The following UNC13C variants were observed in gnomAD, a reference collection of about 807,000 sequenced individuals.
The protein encoded by UNC13C is unc-13 homolog C, also known as protein unc-13 homolog C.
In UNC13C, 174 loss-of-function variants were observed where a neutral mutation model predicts 245.4. The ratio of observed to expected loss-of-function variants is 0.71; its 90% CI spans 0.63 to 0.80. The LOEUF (loss-of-function observed/expected upper bound fraction) is 0.80. Among genes scored for constraint, UNC13C ranks in the 30% least tolerant of loss-of-function variants. The pLI, the probability that UNC13C is intolerant of heterozygous loss-of-function variation, is 0.00. For missense variants in UNC13C, 2,829 were observed against 2,602.9 expected, an observed-to-expected ratio of 1.09 and a Z score of -1.89; for synonymous variants, 992 against 895.1, an observed-to-expected ratio of 1.11 and a Z score of -1.93.
At chr15:53,852,564 G>A in the UNC13C span, among the ~76,000 whole-genome samples, 10 of 152,034 alleles carry the variant, frequency 6.6e-5, no homozygotes, top group African/African-American at 2.2e-4. Flanking sequence ...GGAAATTTTA[G>A]CCACTTCTGC....
intron 26 of UNC13C, among the ~76,000 whole-genome samples, chr15:54,540,551 AAAC>A (rs1254483865): frequency 6.6e-6 from 1 of 152,100 alleles, no homozygotes; most frequent in Non-Finnish European, 1.5e-5. Context: ...TATTTAAAAT[AAAC>A]AATAGAGGTT....
chr15:54,336,837 C>T (rs1480127328), intron 16 of UNC13C, among the ~76,000 whole-genome samples: 1 of 152,054 alleles, frequency 6.6e-6, no homozygotes, highest in Non-Finnish European at 1.5e-5. Context: ...GTTTGTACAT[C>T]CACCACTACC....
intron 19 of UNC13C, among the ~76,000 whole-genome samples, chr15:54,415,684 G>A (rs557709673): frequency 1.3e-5 from 2 of 152,278 alleles, no homozygotes; most frequent in South Asian, 2.1e-4. Context: ...TACTTATTCA[G>A]TGAATATATA....
chr15:54,545,621 A>T (rs1004225723), intron 26 of UNC13C, among the ~76,000 whole-genome samples: 1 of 152,222 alleles, frequency 6.6e-6, no homozygotes, highest in Non-Finnish European at 1.5e-5. Context: ...CAAATTTACA[A>T]GAAAAAAATA....
At chr15:54,613,673 T>A (rs916827707) in intron 30 of UNC13C, among the ~76,000 whole-genome samples, 3 of 152,112 alleles carry the variant, frequency 2.0e-5, no homozygotes, top group South Asian at 2.1e-4. Context: ...TCTTCTTTTT[T>A]AAAAAGCTAA....
chr15:54,157,211 AG>A (rs1254551453), intron 4 of UNC13C, among the ~76,000 whole-genome samples: 1 of 152,194 alleles, frequency 6.6e-6, no homozygotes, highest in Admixed American at 6.5e-5. Flanking sequence ...ATTGCTTCTG[AG>A]GAAAAGACAC....
chr15:54,056,125 G>A (rs996779845), intron 2 of UNC13C, among the ~76,000 whole-genome samples: 11 of 152,168 alleles, frequency 7.2e-5, no homozygotes, highest in Non-Finnish European at 1.0e-4. Context: ...ACTTTGACGA[G>A]TTGAGAGAGG....
At chr15:54,096,815 A>C (rs1284201216) in intron 2 of UNC13C, among the ~76,000 whole-genome samples, 3 of 152,130 alleles carry the variant, frequency 2.0e-5, no homozygotes, top group East Asian at 1.9e-4. Flanking sequence ...TAAAAAGAAA[A>C]ATTTGCCTAT....
At chr15:54,090,224 G>C (rs922246899) in intron 2 of UNC13C, among the ~76,000 whole-genome samples, 2 of 151,966 alleles carry the variant, frequency 1.3e-5, no homozygotes, top group Non-Finnish European at 2.9e-5. Flanking sequence ...GGTCCTTTTA[G>C]ACTCTGCTGG....
At chr15:54,114,497 A>T (rs1304763105) in intron 2 of UNC13C, among the ~76,000 whole-genome samples, 2 of 152,122 alleles carry the variant, frequency 1.3e-5, no homozygotes, top group African/African-American at 4.8e-5. Context: ...TCCATTTTAG[A>T]TTTTTGAAAA....
intron 4 of UNC13C, among the ~76,000 whole-genome samples, chr15:54,155,837 A>G (rs1426011991): frequency 6.6e-6 from 1 of 152,168 alleles, no homozygotes; most frequent in East Asian, 1.9e-4. Flanking sequence ...TGACACATGG[A>G]TATGGAAAAT....
At chr15:53,955,703 GT>G in the UNC13C span, 2 of 152,212 alleles carry the variant, frequency 1.3e-5, no homozygotes, top group Admixed American at 1.3e-4. Flanking sequence ...AAGAGGATTG[GT>G]TTTAAAAATC....
the UNC13C span, among the ~76,000 whole-genome samples, chr15:53,890,830 A>AT: frequency 0.074 from 11,192 of 151,604 alleles, 502 homozygotes; most frequent in South Asian, 0.19. Flanking sequence ...GGATTCATTG[A>AT]TTTTTTGATG....
chr15:54,205,505 C>G (rs1391763676), intron 4 of UNC13C, among the ~76,000 whole-genome samples: 1 of 151,956 alleles, frequency 6.6e-6, no homozygotes, highest in Non-Finnish European at 1.5e-5. Context: ...AGCATCCCGC[C>G]TCATACCTGC....
the UNC13C span, among the ~76,000 whole-genome samples, chr15:53,875,881 A>G: frequency 1.3e-5 from 2 of 152,210 alleles, no homozygotes; most frequent in East Asian, 3.9e-4. Context: ...CTGCAAGAAG[A>G]GTTGTTTGAC....
At chr15:54,329,401 C>G (rs181449575) in intron 14 of UNC13C, among the ~76,000 whole-genome samples, 1 of 151,796 alleles carries the variant, frequency 6.6e-6, no homozygotes, top group East Asian at 1.9e-4. Context: ...TATTTTTGAA[C>G]CTATTATAGT....
intron 2 of UNC13C, among the ~76,000 whole-genome samples, chr15:54,115,354 A>G (rs1367291300): frequency 6.6e-6 from 1 of 152,138 alleles, no homozygotes; most frequent in Non-Finnish European, 1.5e-5. Context: ...TTGTGCCAAC[A>G]TTATCAATTG....
At chr15:53,857,555 C>T in the UNC13C span, among the ~76,000 whole-genome samples, 9 of 152,146 alleles carry the variant, frequency 5.9e-5, no homozygotes, top group African/African-American at 1.9e-4. Context: ...CTATAAGGAA[C>T]AGAGCTTTAG....
chr15:54,261,742 C>G (rs945380500), intron 8 of UNC13C, among the ~76,000 whole-genome samples: 2 of 152,146 alleles, frequency 1.3e-5, no homozygotes, highest in East Asian at 3.9e-4. Flanking sequence ...GACAGAGTTT[C>G]ACCATGTTAG....
Sources: gnomAD v4.1 joint callset for allele counts (sites outside exome capture counted in the v4.1 genomes callset) on GRCh38, gnomAD v4.1.1 for gene constraint, MANE v1.5 for transcripts, NCBI Gene and HGNC (gene_info 2026-07-23, HGNC 2026-07-21) for gene names.